CHCHD6: variants seen among roughly 807,000 people sequenced by gnomAD.
CHCHD6 encodes coiled-coil-helix-coiled-coil-helix domain containing 6.
Under a neutral mutation model 32.3 loss-of-function variants are expected in CHCHD6, and 28 were observed. That is an observed-to-expected ratio of 0.87 (90% CI 0.64 to 1.19). The LOEUF (loss-of-function observed/expected upper bound fraction) is 1.19, where lower values mean the gene tolerates loss of function less well. CHCHD6 is among the 50% of genes most tolerant of loss of function. The pLI, the probability that CHCHD6 is intolerant of heterozygous loss-of-function variation, is 0.00. For synonymous variants in CHCHD6, 122 were observed against 117.5 expected (o/e 1.04, Z -0.25); for missense variants, 333 against 307.0 (o/e 1.08, Z -0.63).
intron 4 of CHCHD6, among the ~76,000 whole-genome samples, chr3:126,764,152 AAT>A (rs1006030128): frequency 2.0e-5 from 3 of 148,314 alleles, no homozygotes; most frequent in Admixed American, 1.4e-4. Context: ...TACTCTAAGA[AAT>A]ATATATATAC....
At chr3:126,783,145 A>T (rs1282073967) in intron 4 of CHCHD6, among the ~76,000 whole-genome samples, 1 of 152,184 alleles carries the variant, frequency 6.6e-6, no homozygotes, top group African/African-American at 2.4e-5. Context: ...TCTAAGTTCT[A>T]CATATAAGTG....
At chr3:126,839,082 G>A (rs1205725271) in intron 4 of CHCHD6, among the ~76,000 whole-genome samples, 1 of 151,638 alleles carries the variant, frequency 6.6e-6, no homozygotes, top group African/African-American at 2.4e-5. Context: ...TAGAGATAAG[G>A]TCTCACTACA....
chr3:126,727,122 A>C lies in CHCHD6; in HGVS notation c.132A>C (p.Pro44=). Reference sequence around the variant, plus strand: ...ACCGCATGAAGGAGCCCAGCTCTCCACCCCCTGCTCCCACATCTTCTACCT... The same window carrying C: ...ACCGCATGAAGGAGCCCAGCTCTCCCCCCCCTGCTCCCACATCTTCTACCT... ...VVNRMKEPSS[P]PPAPTSSTFG... is the part of the protein sequence containing the mutation. Residue 44 remains proline, a synonymous_variant, in exon 2 of 8, where the codon CCA becomes CCC. Coordinates refer to ENST00000290913, the MANE Select transcript of CHCHD6 (RefSeq NM_032343.3). 2 of 1,613,854 alleles carry C rather than the reference A, an allele frequency of 1.2e-6. No individual in the cohort carries two copies. Among genetic ancestry groups the C allele is most frequent in the Non-Finnish European group, 1.7e-6 (2 of 1,179,918 alleles).
At chr3:126,911,478 G>A (rs1045703493) in intron 5 of CHCHD6, among the ~76,000 whole-genome samples, 6 of 152,328 alleles carry the variant, frequency 3.9e-5, no homozygotes, top group African/African-American at 9.6e-5. Flanking sequence ...GGAGACCTTC[G>A]AGTGCCAAGG....
chr3:126,848,101 T>G (rs1278943855), intron 4 of CHCHD6, among the ~76,000 whole-genome samples: 1 of 152,208 alleles, frequency 6.6e-6, no homozygotes, highest in African/African-American at 2.4e-5. Flanking sequence ...TGCCTCAGCC[T>G]CTCAAGTAGC....
At chr3:126,935,113 G>A (rs954083379) in intron 6 of CHCHD6, 11 of 987,404 alleles carry the variant, frequency 1.1e-5, no homozygotes, top group African/African-American at 5.2e-5. Flanking sequence ...TTGTGAGCAC[G>A]AATCACCTGC....
At chr3:126,953,224 C>A in intron 6 of CHCHD6, 5 of 730,126 alleles carry the variant, frequency 6.8e-6, no homozygotes, top group Non-Finnish European at 8.4e-6. Flanking sequence ...TCCACTAGAC[C>A]AAGAGTCCCA....
At chr3:126,930,029 C>T (rs2078380770) in intron 6 of CHCHD6, among the ~76,000 whole-genome samples, 1 of 152,188 alleles carries the variant, frequency 6.6e-6, no homozygotes, top group Non-Finnish European at 1.5e-5. Context: ...ATATCCAACC[C>T]ATGTTATTTC....
At chr3:126,910,573 C>A (rs894001876) in intron 5 of CHCHD6, among the ~76,000 whole-genome samples, 1 of 152,230 alleles carries the variant, frequency 6.6e-6, no homozygotes, top group Non-Finnish European at 1.5e-5. Flanking sequence ...TGGATACACC[C>A]TTTGACCCAA....
intron 1 of CHCHD6, among the ~76,000 whole-genome samples, chr3:126,721,738 C>T (rs1256168173): frequency 2.7e-5 from 3 of 112,406 alleles, no homozygotes; most frequent in Non-Finnish European, 5.0e-5. Context: ...ATCCTACTTA[C>T]CCTGTAGCTA....
chr3:126,747,967 C>G (rs1045437766), intron 4 of CHCHD6, among the ~76,000 whole-genome samples: 12 of 152,176 alleles, frequency 7.9e-5, no homozygotes, highest in Non-Finnish European at 1.3e-4. Flanking sequence ...TGCGCTCCAG[C>G]AGCACCCTCC....
At chr3:126,716,761 T>C (rs559285226) in intron 1 of CHCHD6, among the ~76,000 whole-genome samples, 1 of 149,870 alleles carries the variant, frequency 6.7e-6, no homozygotes, top group South Asian at 2.1e-4. Context: ...AGGTCATAAG[T>C]GCTGCAAAGA....
At chr3:126,741,867 C>T (rs1173213947) in intron 4 of CHCHD6, among the ~76,000 whole-genome samples, 1 of 152,162 alleles carries the variant, frequency 6.6e-6, no homozygotes. Flanking sequence ...CCCTGTGGTC[C>T]TCAGGCCAGG....
rs12495002 is a variant in CHCHD6, at chr3:126,947,607, G to A, written c.567-9809G>A. On this transcript the variant is annotated intron_variant, in intron 6 of 7. Coordinates refer to ENST00000290913, the MANE Select transcript of CHCHD6 (RefSeq NM_032343.3). Reference sequence around the variant, plus strand: ...GAGCTGCCTGTGACTTACCAACCCCGTCTGCAGAACGGGGTGGGAAGGCCC... The same window carrying A: ...GAGCTGCCTGTGACTTACCAACCCCATCTGCAGAACGGGGTGGGAAGGCCC... 3.6e-3 allele frequency among the ~76,000 whole-genome samples: 542 copies of A among 152,254 alleles called. 3 individuals carry two copies. The highest frequency in any genetic ancestry group is 6.8e-3 in the Middle Eastern group (2 of 294).
intron 3 of CHCHD6, among the ~76,000 whole-genome samples, 156 bp from the exon 4 acceptor site, chr3:126,732,922 G>T (rs894672497): frequency 6.6e-6 from 1 of 152,204 alleles, no homozygotes; most frequent in African/African-American, 2.4e-5. Flanking sequence ...GAATGATGGG[G>T]CATGCGGTTT....
intron 5 of CHCHD6, among the ~76,000 whole-genome samples, chr3:126,898,514 A>C (rs917372765): frequency 6.6e-6 from 1 of 152,016 alleles, no homozygotes; most frequent in Non-Finnish European, 1.5e-5. Flanking sequence ...GAATTTATTT[A>C]TTTAGTTAGT....
chr3:126,944,198 A>G (rs1448226177), intron 6 of CHCHD6, among the ~76,000 whole-genome samples: 2 of 152,244 alleles, frequency 1.3e-5, no homozygotes, highest in African/African-American at 4.8e-5. Flanking sequence ...AATGCAGGAC[A>G]CGGCATGGCC....
intron 4 of CHCHD6, among the ~76,000 whole-genome samples, chr3:126,778,926 A>ATT (rs71150453): frequency 1.7e-4 from 23 of 133,142 alleles, no homozygotes; most frequent in African/African-American, 3.3e-4. Flanking sequence ...GGCTCATTAA[A>ATT]TTTTTTTTTT....
At chr3:126,709,652 C>T (rs1934661710) in intron 1 of CHCHD6, among the ~76,000 whole-genome samples, 1 of 152,172 alleles carries the variant, frequency 6.6e-6, no homozygotes, top group Non-Finnish European at 1.5e-5. Flanking sequence ...CATATCTTCA[C>T]CAACACTTGT....
Sources: allele counts gnomAD v4.1 joint callset (sites outside exome capture counted in the v4.1 genomes callset), GRCh38; gene constraint gnomAD v4.1.1; transcripts MANE v1.5; gene names NCBI Gene and HGNC (gene_info 2026-07-23, HGNC 2026-07-21).